The following ARID1B variants were observed in gnomAD, a reference collection of about 807,000 sequenced individuals.
ARID1B encodes AT-rich interactive domain-containing protein 1B.
A neutral mutation model predicts 212.3 loss-of-function variants in ARID1B; 30 were observed. The ratio of observed to expected loss-of-function variants is 0.14; its 90% CI spans 0.11 to 0.19. The LOEUF is 0.19. ARID1B is among the 10% of genes least tolerant of loss of function. The probability of loss-of-function intolerance (pLI) is 1.00; values close to 1 mark genes in which losing one functional copy is unlikely to be tolerated. For synonymous variants in ARID1B, 1,402 were observed against 1,301.7 expected, an observed-to-expected ratio of 1.08 and a Z score of -1.66; for missense variants, 2,891 against 3,204.0, an observed-to-expected ratio of 0.90 and a Z score of 2.36.
rs1786823619 is a variant in ARID1B, at chr6:157,110,475, G to A, written c.2495G>A (p.Ser832Asn). The change falls in exon 6 of 20, where the codon AGT becomes AAT. Residue 832 changes from serine to asparagine, a missense_variant. Coordinates refer to ENST00000636930, the MANE Select transcript of ARID1B (RefSeq NM_001374828.1). ...CTTTCCCTCCTGTGTTTTACAGGTA[G>A]TCAGATGCCTCCGCAGCCACCCGGG... is the stretch of plus-strand genomic sequence containing the variant. ...GPISPASIPG[S>N]QMPPQPPGSQ... is the part of the protein sequence containing the mutation. 1 of 1,614,060 alleles carries A rather than the reference G, an allele frequency of 6.2e-7. No individual in the cohort carries two copies. Among genetic ancestry groups the A allele is most frequent in the Admixed American group, 1.7e-5 (1 of 60,006 alleles).
chr6:157,003,903 G>A (rs374281553), intron 4 of ARID1B, among the ~76,000 whole-genome samples: 28 of 152,042 alleles, frequency 1.8e-4, no homozygotes, highest in African/African-American at 6.0e-4. Context: ...TTCAAGGCGA[G>A]GCAAGAGGAT....
Position 157,148,618 on chromosome 6 carries a change from G to T in ARID1B, c.2762-6G>T. The T allele has an allele frequency of 6.4e-7, 1 of 1,571,764 alleles. No individual in the cohort carries two copies. On this transcript the variant is annotated splice_region_variant and splice_polypyrimidine_tract_variant and intron_variant, in intron 7 of 19. Coordinates refer to ENST00000636930, the MANE Select transcript of ARID1B (RefSeq NM_001374828.1). The surrounding 1 kb of genome is among the most constrained non-coding windows in gnomAD (Gnocchi z 5.6). Reference sequence around the variant, plus strand: ...AGGCTTTACTTTGTGTTTGCTTTTTGTTTAGGTAACTACTCCAGACCCCCA... The same window carrying T: ...AGGCTTTACTTTGTGTTTGCTTTTTTTTTAGGTAACTACTCCAGACCCCCA...
intron 4 of ARID1B, among the ~76,000 whole-genome samples, chr6:156,959,512 C>T (rs1794209710): frequency 6.6e-6 from 1 of 152,102 alleles, no homozygotes; most frequent in Admixed American, 6.6e-5. Flanking sequence ...TCATTCTGTT[C>T]AAAACGTCTT....
intron 2 of ARID1B, among the ~76,000 whole-genome samples, chr6:156,847,844 C>T (rs1583154729): frequency 6.6e-6 from 1 of 152,140 alleles, no homozygotes; most frequent in East Asian, 1.9e-4. Context: ...ATGTGGCTTG[C>T]TCTCCAGGAG....
intron 2 of ARID1B, among the ~76,000 whole-genome samples, chr6:156,890,440 T>C (rs939932205): frequency 6.6e-6 from 1 of 152,250 alleles, no homozygotes; most frequent in Middle Eastern, 3.2e-3. Context: ...TCAAAAAAGG[T>C]AAATCTATTT....
At chr6:156,936,478 T>C (rs1176297700) in intron 4 of ARID1B, 2 of 151,962 alleles carry the variant, frequency 1.3e-5, no homozygotes, top group African/African-American at 4.8e-5. Context: ...AGTTCATATC[T>C]ACTTAATTTG....
At chr6:156,929,737 CT>C (rs1322885819) in intron 3 of ARID1B, among the ~76,000 whole-genome samples, 2 of 152,166 alleles carry the variant, frequency 1.3e-5, no homozygotes, top group Non-Finnish European at 2.9e-5. Flanking sequence ...CATGGAGGCT[CT>C]GTTGCATTTT....
At chr6:156,781,308 G>A (rs1779250278) in intron 1 of ARID1B, among the ~76,000 whole-genome samples, 1 of 151,900 alleles carries the variant, frequency 6.6e-6, no homozygotes, top group Admixed American at 6.6e-5. Flanking sequence ...TGTTTTGTTA[G>A]ATTAGGTAAT....
chr6:157,074,341 C>T (rs376218679), intron 4 of ARID1B, among the ~76,000 whole-genome samples: 51 of 152,164 alleles, frequency 3.4e-4, no homozygotes, highest in African/African-American at 1.2e-3. Flanking sequence ...ATTCTCGTGC[C>T]TCAGCCTCCT....
chr6:156,917,426 A>G (rs903824541), intron 3 of ARID1B, among the ~76,000 whole-genome samples: 1 of 152,168 alleles, frequency 6.6e-6, no homozygotes, highest in Admixed American at 6.5e-5. Flanking sequence ...CTAGTTGAAC[A>G]GGAGGGTTGA....
At chr6:157,173,641 A>T (rs1583450293) in intron 9 of ARID1B, 1 of 164,494 alleles carries the variant, frequency 6.1e-6, no homozygotes, top group African/African-American at 2.4e-5. Flanking sequence ...AAATACGCAC[A>T]CCCAGTATTT....
chr6:157,168,817 G>A (rs1310052894), intron 9 of ARID1B: 3 of 152,166 alleles, frequency 2.0e-5, no homozygotes, highest in Non-Finnish European at 4.4e-5. Context: ...CCATCCTCAC[G>A]ATCTTTTGTA....
At chr6:157,101,106 G>A (rs1355583244) in intron 5 of ARID1B, among the ~76,000 whole-genome samples, 3 of 152,196 alleles carry the variant, frequency 2.0e-5, no homozygotes, top group African/African-American at 7.2e-5. Flanking sequence ...CAGCAGAATT[G>A]CACAGTCAGT....
At chr6:156,918,325 T>C (rs1352438591) in intron 3 of ARID1B, among the ~76,000 whole-genome samples, 1 of 152,158 alleles carries the variant, frequency 6.6e-6, no homozygotes, top group Non-Finnish European at 1.5e-5. Context: ...AAGCCAATCC[T>C]GCAGATTTTG....
intron 7 of ARID1B, among the ~76,000 whole-genome samples, chr6:157,133,688 A>G (rs1352203574): frequency 5.3e-5 from 8 of 152,168 alleles, no homozygotes; most frequent in Non-Finnish European, 1.0e-4. Context: ...TCAGGTCAGC[A>G]GTAGTTCTCA....
At chr6:156,926,345 C>T (rs1791216063) in intron 3 of ARID1B, among the ~76,000 whole-genome samples, 1 of 152,044 alleles carries the variant, frequency 6.6e-6, no homozygotes, top group East Asian at 1.9e-4. Context: ...TTTAATAGTG[C>T]AGCAAACATG....
rs182514449 is a variant in ARID1B at position 156,860,620 on chromosome 6, C to G, written c.1986+31199C>G. ...AGCTGGAGACAATAGCTGACTCTTTCATTTACTTGGAGGTGATTGTAGGAG... is the reference window on the plus strand; with the variant it reads ...AGCTGGAGACAATAGCTGACTCTTTGATTTACTTGGAGGTGATTGTAGGAG... On this transcript the variant is annotated intron_variant, in intron 2 of 19. Coordinates refer to ENST00000636930, the MANE Select transcript of ARID1B (RefSeq NM_001374828.1). Among the ~76,000 whole-genome samples the G allele has an allele frequency of 2.8e-3, 422 of 152,218 alleles. 3 individuals carry two copies. The highest frequency in any genetic ancestry group is 0.025 in the Admixed American group (376 of 15,300).
intron 4 of ARID1B, among the ~76,000 whole-genome samples, chr6:157,026,430 C>T (rs1780675632): frequency 6.6e-6 from 1 of 151,948 alleles, no homozygotes; most frequent in Non-Finnish European, 1.5e-5. Context: ...CAAGATGTAC[C>T]CTTGATATGA....
At chr6:157,165,453 T>C (rs1214124210) in intron 8 of ARID1B, among the ~76,000 whole-genome samples, 2 of 152,218 alleles carry the variant, frequency 1.3e-5, no homozygotes, top group African/African-American at 2.4e-5. Flanking sequence ...AGTTATGGCT[T>C]TGATAGCTTG....
Sources: gnomAD v4.1 joint callset for allele counts (sites outside exome capture counted in the v4.1 genomes callset) on GRCh38, gnomAD v4.1.1 for gene constraint, Gnocchi (gnomAD v3.1) non-coding constraint, MANE v1.5 for transcripts, NCBI Gene and HGNC (gene_info 2026-07-23, HGNC 2026-07-21) for gene names.